The following KCNMA1 variants were observed in gnomAD, a reference collection of about 807,000 sequenced individuals.
KCNMA1 encodes the protein Calcium-activated potassium channel subunit alpha-1.
A neutral mutation model predicts 140.0 loss-of-function variants in KCNMA1; 29 were observed. The ratio of observed to expected loss-of-function variants is 0.21; its 90% CI spans 0.15 to 0.28. The LOEUF (loss-of-function observed/expected upper bound fraction) is 0.28. KCNMA1 is among the 10% of genes least tolerant of loss of function. The probability of loss-of-function intolerance (pLI) is 1.00; values close to 1 mark genes in which losing one functional copy is unlikely to be tolerated. For missense variants in KCNMA1, 880 were observed against 1,602.2 expected (o/e 0.55, Z 7.70); for synonymous variants, 612 against 611.9 (o/e 1.00, Z 0.00).
At chr10:77,509,595 T>C (rs2047606246) in intron 1 of KCNMA1, among the ~76,000 whole-genome samples, 1 of 152,206 alleles carries the variant, frequency 6.6e-6, no homozygotes, top group African/African-American at 2.4e-5. Context: ...GAATGCATCA[T>C]TTTACATTCC....
intron 1 of KCNMA1, among the ~76,000 whole-genome samples, chr10:77,447,274 GC>G (rs1166366776): frequency 6.6e-6 from 1 of 152,206 alleles, no homozygotes; most frequent in African/African-American, 2.4e-5. Context: ...TGTGGAAGCT[GC>G]ATCAGCTCTC....
At chr10:77,270,132 G>C (rs1421325490) in intron 2 of KCNMA1, among the ~76,000 whole-genome samples, 1 of 152,184 alleles carries the variant, frequency 6.6e-6, no homozygotes, top group African/African-American at 2.4e-5. Context: ...GTGGATAGCT[G>C]CTTCCTGCCA....
chr10:76,985,216 A>G (rs1002566411), intron 19 of KCNMA1, among the ~76,000 whole-genome samples: 1 of 152,238 alleles, frequency 6.6e-6, no homozygotes, highest in African/African-American at 2.4e-5. Context: ...AATTGTTGAC[A>G]AACCAATTCT....
At chr10:77,368,010 A>G (rs2094469524) in intron 2 of KCNMA1, among the ~76,000 whole-genome samples, 2 of 152,202 alleles carry the variant, frequency 1.3e-5, no homozygotes, top group African/African-American at 4.8e-5. Flanking sequence ...CATGTATATG[A>G]ATGTTTTTTC....
intron 1 of KCNMA1, among the ~76,000 whole-genome samples, chr10:77,606,021 A>G (rs1249502943): frequency 2.6e-5 from 4 of 152,146 alleles, no homozygotes; most frequent in Non-Finnish European, 4.4e-5. Context: ...CGCAACACCC[A>G]TGACTATACC....
At chr10:77,548,479 C>CAGCCTCTGA (rs1188707082) in intron 1 of KCNMA1, among the ~76,000 whole-genome samples, 2 of 152,234 alleles carry the variant, frequency 1.3e-5, no homozygotes, top group Non-Finnish European at 2.9e-5. Flanking sequence ...ACAGTCTCTA[C>CAGCCTCTGA]AGCCTCTGAC....
At chr10:77,336,594 A>T (rs2089137441) in intron 2 of KCNMA1, among the ~76,000 whole-genome samples, 1 of 152,236 alleles carries the variant, frequency 6.6e-6, no homozygotes, top group South Asian at 2.1e-4. Context: ...TCGATGCACA[A>T]GATTAAAATT....
intron 1 of KCNMA1, among the ~76,000 whole-genome samples, chr10:77,594,207 C>G (rs2080106098): frequency 6.6e-6 from 1 of 152,212 alleles, no homozygotes; most frequent in Non-Finnish European, 1.5e-5. Context: ...CGTTCTGTCC[C>G]TGCCATCCAA....
intron 9 of KCNMA1, among the ~76,000 whole-genome samples, chr10:77,099,683 C>T (rs1268940930): frequency 6.7e-6 from 1 of 149,426 alleles, no homozygotes; most frequent in Non-Finnish European, 1.5e-5. Context: ...CATTGCACTC[C>T]AGCCTGGGCA....
chr10:77,551,346 C>T (rs192850075), intron 1 of KCNMA1, among the ~76,000 whole-genome samples: 2 of 152,164 alleles, frequency 1.3e-5, no homozygotes, highest in Non-Finnish European at 2.9e-5. Flanking sequence ...ATGTCACAGA[C>T]AGAGGCACAG....
Position 76,886,644 on chromosome 10 carries a change from A to C in KCNMA1, c.*622T>G. On this transcript the variant is annotated 3_prime_UTR_variant, in exon 28 of 28. Transcript: ENST00000286628. Reference sequence around the variant, plus strand: ...GACAAAAGGCCTTGGTGAGTAACTAAAAAAATCACTGATGTTCTCTTGCAA... The same window carrying C: ...GACAAAAGGCCTTGGTGAGTAACTACAAAAATCACTGATGTTCTCTTGCAA... The C allele has an allele frequency of 1.0e-6, 1 of 991,428 alleles. No homozygotes were observed. The allele number at this position is 991,428 out of a possible 1,614,324, so 61.4% of individuals were successfully genotyped here.
intron 2 of KCNMA1, among the ~76,000 whole-genome samples, chr10:77,362,719 C>A (rs757649295): frequency 2.6e-5 from 4 of 152,144 alleles, no homozygotes; most frequent in Non-Finnish European, 4.4e-5. Flanking sequence ...CTTCAGTTCC[C>A]TTTGTTGTTT....
At chr10:77,142,232 G>C in intron 5 of KCNMA1, among the ~76,000 whole-genome samples, 1 of 151,962 alleles carries the variant, frequency 6.6e-6, no homozygotes, top group East Asian at 1.9e-4. Flanking sequence ...TTAGCCGGGC[G>C]TGGTGGCAGG....
chr10:77,396,369 C>T lies in KCNMA1; in HGVS notation c.540+7493G>A, dbSNP rs191210173. Among the ~76,000 whole-genome samples, 202 of 152,112 alleles carry T rather than the reference C, an allele frequency of 1.3e-3. 1 individual carries two copies. Among genetic ancestry groups the T allele is most frequent in the Non-Finnish European group, 1.9e-3 (129 of 67,978 alleles). On this transcript the variant is annotated intron_variant, in intron 2 of 27. Transcript: ENST00000286628. The stretch of plus-strand genomic sequence containing the variant: ...GAGAGAAGTGTGTGTGAATTTGCCA[C>T]CAGGCACCACTGAGAAAGAAAAGTA...
At chr10:77,156,797 T>C (rs1219604896) in intron 5 of KCNMA1, among the ~76,000 whole-genome samples, 2 of 152,156 alleles carry the variant, frequency 1.3e-5, no homozygotes, top group Admixed American at 6.5e-5. Flanking sequence ...TGACCCCACC[T>C]GGACCCAAGA....
At chr10:77,380,166 A>C (rs1321873573) in intron 2 of KCNMA1, among the ~76,000 whole-genome samples, 2 of 152,298 alleles carry the variant, frequency 1.3e-5, no homozygotes, top group African/African-American at 4.8e-5. Flanking sequence ...TGTCGTCTGA[A>C]AGTTCTTTCA....
chr10:76,916,017 AAC>A (rs71649417), intron 23 of KCNMA1, among the ~76,000 whole-genome samples: 22,679 of 145,646 alleles, frequency 0.16, 1,753 homozygotes, highest in Non-Finnish European at 0.17. Flanking sequence ...TATACACATA[AAC>A]ACACACACAC....
chr10:77,268,690 A>T (rs1233183194), intron 2 of KCNMA1, among the ~76,000 whole-genome samples: 1 of 152,120 alleles, frequency 6.6e-6, no homozygotes, highest in Non-Finnish European at 1.5e-5. Context: ...TCTAACTCAC[A>T]TGGGGTTCGA....
intron 15 of KCNMA1, among the ~76,000 whole-genome samples, chr10:77,034,079 T>G (rs1209741521): frequency 6.6e-6 from 1 of 151,916 alleles, no homozygotes; most frequent in East Asian, 1.9e-4. Context: ...CCGTATCTAC[T>G]AAAAATACAA....
Sources: allele counts gnomAD v4.1 joint callset (sites outside exome capture counted in the v4.1 genomes callset), GRCh38; gene constraint gnomAD v4.1.1; transcripts MANE v1.5; gene names NCBI Gene and HGNC (gene_info 2026-07-23, HGNC 2026-07-21).